PVT1: variants seen among roughly 807,000 people sequenced by gnomAD.
PVT1 encodes Pvt1 oncogene.
rs554582650 is a variant in PVT1, at chr8:127,921,216, T to C, written n.782+30218T>C. ...CTGACACCTCCTGTGTGCCGAGCGCTGAGTAGTGCTGAGGATATAGCAATT... is the reference window on the plus strand; with the variant it reads ...CTGACACCTCCTGTGTGCCGAGCGCCGAGTAGTGCTGAGGATATAGCAATT... On this transcript the variant is annotated intron_variant and non_coding_transcript_variant, in intron 3 of 10. Transcript: ENST00000651587. 1.6e-4 allele frequency among the ~76,000 whole-genome samples: 24 copies of C among 152,184 alleles called. 2 individuals are homozygous for C. The South Asian group carries it at 4.4e-3, about 28-fold the overall frequency.
chr8:127,825,111 A>G (rs1165489533), intron 2 of PVT1, among the ~76,000 whole-genome samples: 3 of 118,776 alleles, frequency 2.5e-5, no homozygotes. Context: ...AGAGCCAAAC[A>G]CTAGCTAAAA....
At chr8:127,959,577 C>G (rs1324050714) in intron 3 of PVT1, among the ~76,000 whole-genome samples, 1 of 126,440 alleles carries the variant, frequency 7.9e-6, no homozygotes, top group Non-Finnish European at 1.6e-5. Context: ...GCGCGAGACT[C>G]TGTCTCAGGA....
chr8:127,889,041 T>TTCCTTCCTTCCC (rs1318780304), intron 2 of PVT1, among the ~76,000 whole-genome samples: 1 of 50,792 alleles, frequency 2.0e-5, no homozygotes, highest in Non-Finnish European at 4.5e-5. Context: ...TCTTTCTTTC[T>TTCCTTCCTTCCC]TCCTTCCTTC....
chr8:127,800,367 G>A (rs1814449570), intron 2 of PVT1, among the ~76,000 whole-genome samples: 3 of 152,130 alleles, frequency 2.0e-5, no homozygotes, highest in Admixed American at 2.0e-4. Flanking sequence ...TTCTGTCCTA[G>A]TGGATGTCAC....
At chr8:128,008,432 G>A (rs1817272978) in intron 4 of PVT1, among the ~76,000 whole-genome samples, 1 of 152,186 alleles carries the variant, frequency 6.6e-6, no homozygotes, top group South Asian at 2.1e-4. Flanking sequence ...GGAAACTGAT[G>A]CAAAAATGTA....
Position 127,813,949 on chromosome 8 carries a change from AT to A in PVT1, n.372+17883del, listed in dbSNP as rs1278924498. On this transcript the variant is annotated intron_variant and non_coding_transcript_variant, in intron 2 of 10. Transcript: ENST00000651587. ...AGGCACCTGCTGCCAAGTCTGGCTA[AT>A]TTTTGTATTTTTAATAGAGACGGGG... Among the ~76,000 whole-genome samples, 3 of 152,072 alleles carry A rather than the reference AT, an allele frequency of 2.0e-5. No individual in the cohort carries two copies. In the East Asian group the frequency reaches 5.8e-4, roughly 29 times the overall value.
At chr8:127,841,760 C>G (rs1189133299) in intron 2 of PVT1, among the ~76,000 whole-genome samples, 2 of 151,972 alleles carry the variant, frequency 1.3e-5, no homozygotes, top group African/African-American at 4.8e-5. Flanking sequence ...CAGTCTCACT[C>G]TGTCACCCAG....
At chr8:127,994,292 C>T (rs750382268) in intron 4 of PVT1, among the ~76,000 whole-genome samples, 2 of 152,182 alleles carry the variant, frequency 1.3e-5, no homozygotes, top group African/African-American at 2.4e-5. Flanking sequence ...CCTGGAAACA[C>T]GATCTCTCCA....
chr8:128,020,371 G>C (rs13275108), intron 4 of PVT1, among the ~76,000 whole-genome samples: 5,445 of 152,294 alleles, frequency 0.036, 162 homozygotes, highest in East Asian at 0.11. Context: ...GGCCCTTAAA[G>C]GCAGAGGTTT....
At chr8:128,040,386 T>C (rs1230566253) in intron 4 of PVT1, among the ~76,000 whole-genome samples, 2 of 152,240 alleles carry the variant, frequency 1.3e-5, no homozygotes, top group Non-Finnish European at 2.9e-5. Flanking sequence ...TCCAGCTTGC[T>C]GGCCTGCCCT....
chr8:127,841,539 G>A (rs1004199570), intron 2 of PVT1, among the ~76,000 whole-genome samples: 40 of 152,070 alleles, frequency 2.6e-4, no homozygotes, highest in African/African-American at 9.4e-4. Context: ...GAGATTATAG[G>A]CGTGAGCCAC....
At position 127,920,145 on chromosome 8, in the gene PVT1, T is replaced by G. The variant is rs1413901948; in HGVS notation, n.782+29147T>G. On this transcript the variant is annotated intron_variant and non_coding_transcript_variant, in intron 3 of 10. Coordinates refer to ENST00000651587, the Ensembl canonical transcript of PVT1. ...AGTCATCCTAACATAAAAATATGCA[T>G]GAATAAACTCACTGCCAACATTCAG... Among the ~76,000 whole-genome samples, 4 of 152,162 alleles carry G rather than the reference T, an allele frequency of 2.6e-5. No homozygotes were observed. The East Asian group carries it at 5.8e-4, about 22-fold the overall frequency.
At chr8:127,960,943 T>A (rs13264724) in intron 3 of PVT1, among the ~76,000 whole-genome samples, 13 of 27,650 alleles carry the variant, frequency 4.7e-4, no homozygotes, top group African/African-American at 8.5e-4. Flanking sequence ...TGTTTGGGGG[T>A]GGGGGGGGCG....
At chr8:127,968,904 C>T (rs1384907566) in intron 3 of PVT1, among the ~76,000 whole-genome samples, 2 of 152,168 alleles carry the variant, frequency 1.3e-5, no homozygotes, top group African/African-American at 4.8e-5. Flanking sequence ...CTGGCAGCCA[C>T]CAGAAGCCAG....
At chr8:127,947,457 C>CT (rs576324687) in intron 3 of PVT1, 21 of 320,706 alleles carry the variant, frequency 6.5e-5, no homozygotes, top group Non-Finnish European at 1.2e-4. Flanking sequence ...TGTAACTGCT[C>CT]TTTTTTTGGC....
chr8:128,080,038 C>A (rs1408854613), intron 5 of PVT1, among the ~76,000 whole-genome samples: 1 of 152,100 alleles, frequency 6.6e-6, no homozygotes, highest in Non-Finnish European at 1.5e-5. Flanking sequence ...CATTTAAGGT[C>A]CCTCCATGTC....
intron 2 of PVT1, among the ~76,000 whole-genome samples, chr8:127,861,935 T>C (rs1815233466): frequency 6.6e-6 from 1 of 152,316 alleles, no homozygotes; most frequent in South Asian, 2.1e-4. Flanking sequence ...GTGTCTCTGA[T>C]TGTTTTCTTG....
chr8:127,983,548 A>G (rs1300982649), intron 3 of PVT1, among the ~76,000 whole-genome samples: 1 of 152,146 alleles, frequency 6.6e-6, no homozygotes, highest in Non-Finnish European at 1.5e-5. Context: ...CTGCACACCC[A>G]GATCATCAGT....
At chr8:127,964,196 C>A (rs1361110752) in intron 3 of PVT1, among the ~76,000 whole-genome samples, 1 of 152,246 alleles carries the variant, frequency 6.6e-6, no homozygotes, top group East Asian at 1.9e-4. Flanking sequence ...TGCTGGGAGT[C>A]CTGTTTTGAC....
Sources: allele counts gnomAD v4.1 joint callset (sites outside exome capture counted in the v4.1 genomes callset), GRCh38; gene constraint gnomAD v4.1.1; transcripts MANE v1.5; gene names NCBI Gene and HGNC (gene_info 2026-07-23, HGNC 2026-07-21).